ZFHX3: variants seen among roughly 807,000 people sequenced by gnomAD.
ZFHX3 encodes the protein zinc finger homeobox 3.
In ZFHX3, 42 loss-of-function variants were observed where a neutral mutation model predicts 279.1. The ratio of observed to expected loss-of-function variants is 0.15; its 90% CI spans 0.12 to 0.19. The LOEUF is 0.19. Ranked by LOEUF, ZFHX3 falls within the 10% of genes least tolerant of loss-of-function variation. ZFHX3 has a pLI of 1.00. For synonymous variants in ZFHX3, 2,293 were observed against 1,957.8 expected, an observed-to-expected ratio of 1.17 and a Z score of -4.52; for missense variants, 4,981 against 4,754.0, an observed-to-expected ratio of 1.05 and a Z score of -1.40.
At chr16:73,249,423 T>C (rs1266663348) in intron 5 of ZFHX3, among the ~76,000 whole-genome samples, 1 of 152,142 alleles carries the variant, frequency 6.6e-6, no homozygotes, top group Non-Finnish European at 1.5e-5. Flanking sequence ...GGGGAGGCCT[T>C]ACAATCACGG....
chr16:73,386,084 AC>A (rs756311165), intron 3 of ZFHX3, among the ~76,000 whole-genome samples: 21 of 152,146 alleles, frequency 1.4e-4, no homozygotes, highest in African/African-American at 5.1e-4. Flanking sequence ...GCGAAACTAT[AC>A]CAGGTAATGT....
intron 4 of ZFHX3, among the ~76,000 whole-genome samples, chr16:73,267,211 C>T (rs2014001692): frequency 6.6e-6 from 1 of 152,152 alleles, no homozygotes; most frequent in South Asian, 2.1e-4. Context: ...CATCTTTCTG[C>T]TGCATCAAGC....
At chr16:73,800,188 G>A (rs1318875260) in intron 1 of ZFHX3, among the ~76,000 whole-genome samples, 1 of 151,906 alleles carries the variant, frequency 6.6e-6, no homozygotes, top group African/African-American at 2.4e-5. Context: ...CGTGGCGCAA[G>A]ACTGCTTTTT....
chr16:73,050,408 T>C (rs1965428276), upstream of ZFHX3, among the ~76,000 whole-genome samples: 1 of 152,210 alleles, frequency 6.6e-6, no homozygotes, highest in Admixed American at 6.5e-5. Context: ...ACACACATGA[T>C]GAGGCCTAGT....
intron 1 of ZFHX3, among the ~76,000 whole-genome samples, chr16:73,874,087 T>C (rs2029881977): frequency 6.6e-6 from 1 of 152,214 alleles, no homozygotes; most frequent in Non-Finnish European, 1.5e-5. Context: ...CATTTCTTCC[T>C]CTGTCTGTGA....
rs535482350 is a variant in ZFHX3, at chr16:73,742,264, A to C, written c.-1607-62024T>G. Among the ~76,000 whole-genome samples, 5 of 152,184 alleles carry C rather than the reference A, an allele frequency of 3.3e-5. No individual in the cohort carries two copies. The South Asian group carries it at 1.0e-3, about 32-fold the overall frequency. ...TGCCTTTGTCTAGTTCACCCATTTT[A>C]AACACCTACAAAAATAGTGTCTTCA... On this transcript the variant is annotated intron_variant, in intron 1 of 17. Coordinates refer to the ZFHX3 transcript ENST00000641206.
intron 2 of ZFHX3, among the ~76,000 whole-genome samples, chr16:73,598,951 C>T (rs539561598): frequency 6.6e-5 from 10 of 152,140 alleles, no homozygotes; most frequent in Admixed American, 5.2e-4. Context: ...TTAGTAGAGA[C>T]GGGGTTTCAC....
chr16:73,191,399 A>G (rs929457202), intron 5 of ZFHX3, among the ~76,000 whole-genome samples: 7 of 152,112 alleles, frequency 4.6e-5, no homozygotes, highest in Admixed American at 2.0e-4. Context: ...GCTGTCTTGC[A>G]AAGCCCCTTC....
intron 2 of ZFHX3, among the ~76,000 whole-genome samples, chr16:73,624,182 A>C (rs1208432526): frequency 3.9e-5 from 6 of 152,228 alleles, no homozygotes; most frequent in African/African-American, 1.4e-4. Context: ...ATTACATTAC[A>C]TGGTGCCAGA....
chr16:73,756,930 A>G (rs1212212419), intron 1 of ZFHX3, among the ~76,000 whole-genome samples: 1 of 152,184 alleles, frequency 6.6e-6, no homozygotes, highest in African/African-American at 2.4e-5. Flanking sequence ...TGGGGACTTT[A>G]GAGAGCTACA....
chr16:73,713,229 TG>T (rs2053381561), intron 1 of ZFHX3, among the ~76,000 whole-genome samples: 1 of 152,246 alleles, frequency 6.6e-6, no homozygotes, highest in Non-Finnish European at 1.5e-5. Context: ...CCAAGCTTTT[TG>T]TGAGGCCTCT....
At chr16:73,333,323 G>A (rs2015841966) in intron 3 of ZFHX3, among the ~76,000 whole-genome samples, 1 of 151,890 alleles carries the variant, frequency 6.6e-6, no homozygotes, top group South Asian at 2.1e-4. Flanking sequence ...TAGATATATA[G>A]ACACAAGATA....
At chr16:73,651,612 A>G (rs9927312) in intron 2 of ZFHX3, among the ~76,000 whole-genome samples, 144,241 of 148,500 alleles carry the variant, frequency 0.97, 70,076 homozygotes, top group East Asian at 1. Context: ...CGAGGTGGGC[A>G]GATCACGAGG....
At chr16:73,104,221 G>GTATGTATTTATTTATTTATTTATT (rs57972353) in intron 7 of ZFHX3, among the ~76,000 whole-genome samples, 3 of 151,506 alleles carry the variant, frequency 2.0e-5, no homozygotes, top group African/African-American at 4.9e-5. Context: ...TTTATTTTAT[G>GTATGTATTTATTTATTTATTTATT]TATTTATTTA....
intron 2 of ZFHX3, among the ~76,000 whole-genome samples, chr16:73,613,776 C>T (rs1036807344): frequency 6.6e-6 from 1 of 152,192 alleles, no homozygotes; most frequent in Non-Finnish European, 1.5e-5. Flanking sequence ...GGCATCTGCG[C>T]ATTTCACAAG....
chr16:73,346,185 A>G (rs1021188473), intron 3 of ZFHX3, among the ~76,000 whole-genome samples: 1 of 152,096 alleles, frequency 6.6e-6, no homozygotes, highest in African/African-American at 2.4e-5. Context: ...TGCCCAGACA[A>G]AGTGTGATGA....
chr16:73,544,540 G>A (rs150199562), intron 2 of ZFHX3, among the ~76,000 whole-genome samples: 3,158 of 152,248 alleles, frequency 0.021, 63 homozygotes, highest in South Asian at 0.081. Flanking sequence ...TTGTGCTGGT[G>A]TTTGCTATTC....
chr16:73,823,303 G>A (rs1192929148), intron 1 of ZFHX3, among the ~76,000 whole-genome samples: 1 of 152,012 alleles, frequency 6.6e-6, no homozygotes, highest in Non-Finnish European at 1.5e-5. Context: ...TGGCCAGAGA[G>A]GCCACAGTGG....
chr16:73,684,949 T>A (rs1462415323), intron 1 of ZFHX3, among the ~76,000 whole-genome samples: 1 of 151,964 alleles, frequency 6.6e-6, no homozygotes, highest in African/African-American at 2.4e-5. Context: ...TCCGCCCACC[T>A]CAGCCTCCCA....
Sources: allele counts gnomAD v4.1 joint callset (sites outside exome capture counted in the v4.1 genomes callset), GRCh38; gene constraint gnomAD v4.1.1; transcripts MANE v1.5; gene names NCBI Gene and HGNC (gene_info 2026-07-23, HGNC 2026-07-21).